DGKH: variants seen among roughly 807,000 people sequenced by gnomAD.
The protein encoded by DGKH is diacylglycerol kinase eta.
Under a neutral mutation model 159.3 loss-of-function variants are expected in DGKH, and 90 were observed. That is an observed-to-expected ratio of 0.57 (90% CI 0.48 to 0.67). DGKH has a LOEUF of 0.67. DGKH is among the 30% of genes least tolerant of loss of function. The pLI is 0.00. For missense variants in DGKH, 1,181 were observed against 1,506.1 expected, an observed-to-expected ratio of 0.78 and a Z score of 3.57; for synonymous variants, 536 against 553.8, an observed-to-expected ratio of 0.97 and a Z score of 0.45.
chr13:42,134,153 C>G (rs1305668436), intron 3 of DGKH, among the ~76,000 whole-genome samples: 1 of 152,168 alleles, frequency 6.6e-6, no homozygotes, highest in Non-Finnish European at 1.5e-5. Flanking sequence ...GCTGAACTCT[C>G]TGGTAAAATG....
In DGKH at chr13:42,255,383, T is replaced by C. The variant is rs139705551; in HGVS notation, n.4128-901T>C. Among the ~76,000 whole-genome samples the C allele has an allele frequency of 5.0e-3, 755 of 152,202 alleles. 9 individuals are homozygous for C. Among genetic ancestry groups the C allele is most frequent in the African/African-American group, 0.017 (709 of 41,532 alleles). Reference sequence around the variant, plus strand: ...AATTTTTACTTTAAAAGAGAACATATAATAAACATTTGATTTGCTGTCAGT... The same window carrying C: ...AATTTTTACTTTAAAAGAGAACATACAATAAACATTTGATTTGCTGTCAGT... On this transcript the variant is annotated intron_variant and non_coding_transcript_variant, in intron 30 of 30. Transcript: ENST00000498255.
In DGKH at chr13:42,206,062, TC is replaced by T; in HGVS notation, c.2520del (p.Ser841AlafsTer5). ...AGTGTGATGGGCAGTATATTCCTCT[TC>T]CCAGCTTGCAAGGCATAGCCGTGTT... ...LECDGQYIPLPSLQGIAVLNI... is the reference protein window; with the variant it reads ...LECDGQYIPLXSLQGIAVLNI... On this transcript the variant is annotated frameshift_variant, in exon 21 of 30. Coordinates refer to ENST00000337343, the MANE Select transcript of DGKH (RefSeq NM_178009.5). LOFTEE classifies it high-confidence loss of function. The T allele has an allele frequency of 7.0e-7, 1 of 1,431,266 alleles. No homozygotes were observed. The highest frequency in any genetic ancestry group is 2.6e-5 in the East Asian group (1 of 37,916). 88.7% of individuals were successfully genotyped at this position (1,431,266 alleles called of 1,614,324 possible).
chr13:42,044,785 G>C (rs1284769498), upstream of DGKH, among the ~76,000 whole-genome samples: 9 of 152,104 alleles, frequency 5.9e-5, no homozygotes, highest in Admixed American at 5.9e-4. Context: ...TGCTAGCTTT[G>C]AAATGCAATC....
chr13:42,152,520 A>G (rs1955932670), intron 3 of DGKH, among the ~76,000 whole-genome samples: 1 of 149,818 alleles, frequency 6.7e-6, no homozygotes, highest in Admixed American at 6.7e-5. Context: ...TATTATATAT[A>G]TATATAAATC....
At chr13:42,093,207 G>A (rs2137752559) in intron 1 of DGKH, among the ~76,000 whole-genome samples, 1 of 150,300 alleles carries the variant, frequency 6.7e-6, no homozygotes, top group South Asian at 2.1e-4. Flanking sequence ...TCATGCTACT[G>A]CACTCCAGCC....
chr13:42,179,018 G>A (rs1279547122), intron 13 of DGKH, among the ~76,000 whole-genome samples: 1 of 152,192 alleles, frequency 6.6e-6, no homozygotes, highest in Non-Finnish European at 1.5e-5. Context: ...CAGTAAAGTT[G>A]AGGAAAGACA....
chr13:42,107,902 G>A (rs1954791262), intron 1 of DGKH, among the ~76,000 whole-genome samples: 1 of 152,140 alleles, frequency 6.6e-6, no homozygotes. Flanking sequence ...TGGGCTCAGA[G>A]GCATGGAGGA....
intron 1 of DGKH, among the ~76,000 whole-genome samples, chr13:42,117,008 A>G (rs9566922): frequency 2.0e-4 from 31 of 152,240 alleles, no homozygotes; most frequent in East Asian, 1.2e-3. Flanking sequence ...ATATGGCTTT[A>G]CTGATTTTCC....
chr13:42,190,600 C>A, intron 16 of DGKH, 75 bp downstream of exon 16: 1 of 1,422,870 alleles, frequency 7.0e-7, no homozygotes, highest in Non-Finnish European at 9.4e-7. Context: ...AAAGGCTGAT[C>A]AGTTTGAAAA....
Position 42,198,816 on chromosome 13 carries a change from T to G in DGKH, c.2285+221T>G, listed in dbSNP as rs551891065. Among the ~76,000 whole-genome samples, 4 of 152,292 alleles carry G rather than the reference T, an allele frequency of 2.6e-5. No individual in the cohort carries two copies. In the South Asian group the frequency reaches 8.3e-4, roughly 32 times the overall value. On this transcript the variant is annotated intron_variant, in intron 18 of 29. Coordinates refer to ENST00000337343, the MANE Select transcript of DGKH (RefSeq NM_178009.5). ...CTGAGATAGGTCCTTTTCCAGCCCG[T>G]TCTCTCTGAGAGCAACCCTCTGGCA...
chr13:42,124,311 A>T (rs200712875), intron 1 of DGKH, among the ~76,000 whole-genome samples: 1 of 95,586 alleles, frequency 1.0e-5, no homozygotes, highest in African/African-American at 4.6e-5. Context: ...AGATTTAAAT[A>T]ATTTGACTTA....
intron 18 of DGKH, among the ~76,000 whole-genome samples, chr13:42,198,925 G>A (rs9566937): frequency 0.25 from 37,303 of 151,854 alleles, 4,672 homozygotes; most frequent in African/African-American, 0.28. Context: ...ATCTTTCCAC[G>A]TCAGCTTCTA....
intron 1 of DGKH, among the ~76,000 whole-genome samples, chr13:42,091,856 A>G (rs1954425437): frequency 6.6e-6 from 1 of 152,240 alleles, no homozygotes; most frequent in Non-Finnish European, 1.5e-5. Flanking sequence ...GGAAATGCAA[A>G]TCAAAACCAC....
intron 3 of DGKH, among the ~76,000 whole-genome samples, chr13:42,143,940 T>G (rs1026694833): frequency 1.3e-5 from 2 of 151,994 alleles, no homozygotes; most frequent in African/African-American, 2.4e-5. Flanking sequence ...ACATCACAAT[T>G]AAAAGAACTA....
intron 30 of DGKH, among the ~76,000 whole-genome samples, chr13:42,255,178 C>T (rs1958648877): frequency 3.3e-5 from 5 of 151,194 alleles, no homozygotes; most frequent in South Asian, 2.1e-4. Context: ...GTTTAGGGAA[C>T]ATATCTTTTA....
chr13:42,126,588 G>A (rs952873808), intron 1 of DGKH, among the ~76,000 whole-genome samples: 2 of 152,180 alleles, frequency 1.3e-5, no homozygotes, highest in Admixed American at 6.5e-5. Flanking sequence ...ACCAGAGCCT[G>A]GCCCAGGGCC....
chr13:42,122,447 T>A (rs1011994653), intron 1 of DGKH, among the ~76,000 whole-genome samples: 25 of 152,188 alleles, frequency 1.6e-4, no homozygotes, highest in African/African-American at 4.8e-5. Context: ...GCAAGGGGGC[T>A]GAGCATGCTA....
intron 16 of DGKH, among the ~76,000 whole-genome samples, chr13:42,191,877 A>T (rs1021502356): frequency 1.3e-5 from 2 of 152,202 alleles, no homozygotes; most frequent in African/African-American, 2.4e-5. Flanking sequence ...AAAAAATTTT[A>T]AAAAATGTTT....
chr13:42,150,736 A>G (rs2137929642), intron 3 of DGKH, among the ~76,000 whole-genome samples: 1 of 152,338 alleles, frequency 6.6e-6, no homozygotes, highest in Admixed American at 6.5e-5. Context: ...AGTTTATTAC[A>G]ATATCAAAAT....
Sources: gnomAD v4.1 joint callset for allele counts (sites outside exome capture counted in the v4.1 genomes callset) on GRCh38, gnomAD v4.1.1 for gene constraint, MANE v1.5 for transcripts, NCBI Gene and HGNC (gene_info 2026-07-23, HGNC 2026-07-21) for gene names.